The following ITGB3 variants were observed in gnomAD, a reference collection of about 807,000 sequenced individuals.
The protein encoded by ITGB3 is integrin beta-3.
Under a neutral mutation model 85.8 loss-of-function variants are expected in ITGB3, and 48 were observed. The ratio of observed to expected loss-of-function variants is 0.56; its 90% CI spans 0.44 to 0.71. The LOEUF (loss-of-function observed/expected upper bound fraction) is 0.71, where lower values mean the gene tolerates loss of function less well. ITGB3 is among the 30% of genes least tolerant of loss of function. The pLI, the probability that ITGB3 is intolerant of heterozygous loss-of-function variation, is 0.00. For missense variants in ITGB3, 861 were observed against 1,019.1 expected, an observed-to-expected ratio of 0.84 and a Z score of 2.11; for synonymous variants, 363 against 395.6, an observed-to-expected ratio of 0.92 and a Z score of 0.98.
chr17:47,286,775 G>A (rs1236806364), intron 5 of ITGB3, among the ~76,000 whole-genome samples: 5 of 152,364 alleles, frequency 3.3e-5, no homozygotes, highest in African/African-American at 1.2e-4. Flanking sequence ...ATGCACGTCA[G>A]TTTCTAGATG....
chr17:47,281,602 A>G (rs1331844720), intron 2 of ITGB3, among the ~76,000 whole-genome samples: 1 of 152,108 alleles, frequency 6.6e-6, no homozygotes. Context: ...CCAGAGCCCC[A>G]GGGGGCCGTG....
chr17:47,273,868 A>T (rs2065053730), intron 1 of ITGB3, among the ~76,000 whole-genome samples: 1 of 152,292 alleles, frequency 6.6e-6, no homozygotes, highest in African/African-American at 2.4e-5. Context: ...ATATGCATTG[A>T]GAAGCTTGAG....
chr17:47,276,086 T>C (rs1292600581), intron 2 of ITGB3, among the ~76,000 whole-genome samples: 1 of 152,148 alleles, frequency 6.6e-6, no homozygotes, highest in African/African-American at 2.4e-5. Context: ...GCCGAAAGCC[T>C]TCAGGAGCAG....
chr17:47,304,034 A>G (rs965036048), intron 13 of ITGB3, among the ~76,000 whole-genome samples: 2 of 152,032 alleles, frequency 1.3e-5, no homozygotes, highest in African/African-American at 4.8e-5. Context: ...ACAGGCGTAC[A>G]CTACCACACC....
At chr17:47,287,489 C>T (rs1014997366) in intron 6 of ITGB3, among the ~76,000 whole-genome samples, 2 of 152,198 alleles carry the variant, frequency 1.3e-5, no homozygotes, top group African/African-American at 4.8e-5. Context: ...ATCATGGGAT[C>T]CAGAATGGAC....
At chr17:47,295,582 T>G (rs537641687) in intron 10 of ITGB3, among the ~76,000 whole-genome samples, 81 of 152,238 alleles carry the variant, frequency 5.3e-4, no homozygotes, top group African/African-American at 1.8e-3. Flanking sequence ...ACCTGTCACT[T>G]CCACTCCCAA....
Position 47,300,346 on chromosome 17 carries a change from C to CGTGTGTGTGTGTGT in ITGB3, c.1914-123_1914-110dup, listed in dbSNP as rs58012849. On this transcript the variant is annotated intron_variant, in intron 11 of 14. Transcript: ENST00000559488. ...GGATTGTCTTACAGGCGCGCGCGCG[C>CGTGTGTGTGTGTGT]GTGTGTGTGTGTGTGTGTGTGTTTT... 189 of 619,794 alleles carry CGTGTGTGTGTGTGT rather than the reference C, an allele frequency of 3.0e-4. 1 individual carries two copies. In the African/African-American group the frequency reaches 3.1e-3, roughly 10 times the overall value. The allele number at this position is 619,794 out of a possible 1,614,324, so 38.4% of individuals were successfully genotyped here.
chr17:47,256,725 A>G (rs1361632510), intron 1 of ITGB3, among the ~76,000 whole-genome samples: 2 of 152,178 alleles, frequency 1.3e-5, no homozygotes, highest in Non-Finnish European at 2.9e-5. Context: ...CATTTTATGT[A>G]CAAAGATGAT....
At position 47,287,186 on chromosome 17, in the gene ITGB3, G is replaced by T. The variant is rs893907315; in HGVS notation, c.894G>T (p.Gln298His). Residue 298 changes from glutamine (Q) to histidine (H), a missense_variant, in exon 6 of 15, where the codon CAG (glutamine) becomes CAT (histidine). Gln to His is a conservative substitution (Grantham distance 24). Transcript: ENST00000559488. The part of the protein sequence containing the change: ...LAGIVQPNDG[Q>H]CHVGSDNHYS... ...GCATTGTCCAGCCTAATGACGGGCA[G>T]TGTCATGTTGGTAGTGACAATCATT... 1 of 1,613,996 alleles carries T rather than the reference G, an allele frequency of 6.2e-7. No individual in the cohort carries two copies. Among genetic ancestry groups the T allele is most frequent in the Non-Finnish European group, 8.5e-7 (1 of 1,179,888 alleles).
chr17:47,280,772 T>C (rs1365800882), intron 2 of ITGB3, among the ~76,000 whole-genome samples: 3 of 152,162 alleles, frequency 2.0e-5, no homozygotes, highest in Non-Finnish European at 2.9e-5. Context: ...TCCTTCTCCA[T>C]CCCTCGCACA....
intron 9 of ITGB3, chr17:47,291,481 T>G (rs774552604): frequency 4.9e-6 from 2 of 408,384 alleles, no homozygotes; most frequent in African/African-American, 2.0e-5. Flanking sequence ...ATCTAAAATG[T>G]AAAACACTCC....
At chr17:47,290,115 T>C in intron 7 of ITGB3, 70 bp from the exon 8 acceptor site, 1 of 1,126,316 alleles carries the variant, frequency 8.9e-7, no homozygotes. Flanking sequence ...CTCAGTGGGA[T>C]TTGGGGAGGG....
At chr17:47,280,887 C>T (rs1404663776) in intron 2 of ITGB3, among the ~76,000 whole-genome samples, 2 of 152,222 alleles carry the variant, frequency 1.3e-5, no homozygotes, top group Non-Finnish European at 2.9e-5. Context: ...GACTCTCACT[C>T]TATACGGAAT....
chr17:47,260,090 A>G (rs1489059462), intron 1 of ITGB3, among the ~76,000 whole-genome samples: 2 of 145,438 alleles, frequency 1.4e-5, no homozygotes, highest in Non-Finnish European at 1.5e-5. Flanking sequence ...GTGTGTGTGT[A>G]TTCCTTTACT....
At chr17:47,288,526 T>G (rs987633629) in intron 6 of ITGB3, among the ~76,000 whole-genome samples, 2 of 152,166 alleles carry the variant, frequency 1.3e-5, no homozygotes, top group Non-Finnish European at 2.9e-5. Context: ...ATATAGCAAC[T>G]TCCTCATCTA....
chr17:47,284,724 G>A (rs2065096768), intron 4 of ITGB3, 29 bp downstream of exon 4: 1 of 1,613,974 alleles, frequency 6.2e-7, no homozygotes, highest in Non-Finnish European at 8.5e-7. Flanking sequence ...CGCCAGGACA[G>A]CATCCTTTGC....
intron 6 of ITGB3, among the ~76,000 whole-genome samples, chr17:47,287,911 CTTTTTTTTTTTTTTTTTTTT>C (rs60463106): frequency 5.4e-5 from 3 of 55,390 alleles, no homozygotes; most frequent in Non-Finnish European, 9.5e-5. Context: ...ACCACCCCTG[CTTTTTTTTTTTTTTTTTTTT>C]TTTTTTTTTT....
chr17:47,294,064 GTTTCC>G, intron 10 of ITGB3, among the ~76,000 whole-genome samples: 1 of 152,170 alleles, frequency 6.6e-6, no homozygotes, highest in Middle Eastern at 3.2e-3. Flanking sequence ...CTACGACATT[GTTTCC>G]TTTACTCATG....
chr17:47,272,020 G>A (rs1450767514), intron 1 of ITGB3, among the ~76,000 whole-genome samples: 11 of 151,010 alleles, frequency 7.3e-5, no homozygotes, highest in African/African-American at 2.7e-4. Flanking sequence ...CTCCCAAAGT[G>A]CTGGGATTAC....
Sources: allele counts gnomAD v4.1 joint callset (sites outside exome capture counted in the v4.1 genomes callset), GRCh38; gene constraint gnomAD v4.1.1; transcripts MANE v1.5; gene names NCBI Gene and HGNC (gene_info 2026-07-23, HGNC 2026-07-21).